The following NTRK3 variants were observed in gnomAD, a reference collection of about 807,000 sequenced individuals.
NTRK3 encodes NT-3 growth factor receptor.
Under a neutral mutation model 91.7 loss-of-function variants are expected in NTRK3, and 24 were observed. The observed-to-expected ratio is 0.26, with a 90% confidence interval of 0.19 to 0.37. The LOEUF is 0.37. NTRK3 is among the 10% of genes least tolerant of loss of function. The pLI is 1.00. For missense variants in NTRK3, 880 were observed against 1,068.9 expected, an observed-to-expected ratio of 0.82 and a Z score of 2.46; for synonymous variants, 483 against 404.0, an observed-to-expected ratio of 1.20 and a Z score of -2.34.
intron 14 of NTRK3, among the ~76,000 whole-genome samples, chr15:87,969,997 G>A (rs985266144): frequency 1.3e-5 from 2 of 152,166 alleles, no homozygotes; most frequent in Non-Finnish European, 2.9e-5. Flanking sequence ...CAGGAACCAA[G>A]AGATGTCCTC....
At chr15:88,032,737 G>C in intron 14 of NTRK3, 120 bp downstream of exon 14, 1 of 1,117,596 alleles carries the variant, frequency 8.9e-7, no homozygotes, top group Non-Finnish European at 1.3e-6. Context: ...GGGTCTCTTA[G>C]AAAGTGGGAG....
chr15:88,027,638 T>C (rs951597596), intron 14 of NTRK3, among the ~76,000 whole-genome samples: 2 of 152,190 alleles, frequency 1.3e-5, no homozygotes, highest in African/African-American at 4.8e-5. Flanking sequence ...CGCCTCGGCC[T>C]CCCAAAGTGC....
chr15:88,125,310 C>T (rs1004226222), intron 13 of NTRK3, among the ~76,000 whole-genome samples: 1 of 152,216 alleles, frequency 6.6e-6, no homozygotes, highest in Non-Finnish European at 1.5e-5. Context: ...TTCATGTACT[C>T]TTCTTCAGTC....
intron 14 of NTRK3, among the ~76,000 whole-genome samples, chr15:87,977,065 A>T (rs1596488216): frequency 6.6e-6 from 1 of 152,286 alleles, no homozygotes; most frequent in Non-Finnish European, 1.5e-5. Context: ...GTCAGATTTG[A>T]ATCTTGCTTT....
At chr15:87,951,229 T>C (rs62019203) in intron 14 of NTRK3, among the ~76,000 whole-genome samples, 6,646 of 152,260 alleles carry the variant, frequency 0.044, 172 homozygotes, top group Middle Eastern at 0.054. Flanking sequence ...CATTTCCTGA[T>C]CTTCTCTTTC....
intron 14 of NTRK3, among the ~76,000 whole-genome samples, chr15:87,992,739 CCAAGT>C (rs577530640): frequency 7.4e-4 from 113 of 152,282 alleles, no homozygotes; most frequent in Middle Eastern, 3.4e-3. Context: ...GTAATTCATG[CCAAGT>C]TGCCCTGTTA....
At position 88,233,939 on chromosome 15, in the gene NTRK3, G is replaced by T. The variant is rs1260426673; in HGVS notation, c.248+21967C>A. Among the ~76,000 whole-genome samples the T allele has an allele frequency of 2.0e-5, 3 of 152,206 alleles. No homozygotes were observed. The highest frequency in any genetic ancestry group is 6.5e-5 in the Admixed American group (1 of 15,276). On this transcript the variant is annotated intron_variant, in intron 3 of 18. Transcript: ENST00000394480. The surrounding 1 kb of genome is among the most constrained non-coding windows in gnomAD (Gnocchi z 4.2). Reference sequence around the variant, plus strand: ...TGTTGAGTCCCACTAGACATGCGTTGTTTCCTCTTTAATATTTAAACATGT... The same window carrying T: ...TGTTGAGTCCCACTAGACATGCGTTTTTTCCTCTTTAATATTTAAACATGT...
chr15:87,999,634 C>T (rs1389153186), intron 14 of NTRK3, among the ~76,000 whole-genome samples: 1 of 152,104 alleles, frequency 6.6e-6, no homozygotes, highest in African/African-American at 2.4e-5. Flanking sequence ...TCACAAAAAG[C>T]TGCTGTGGAT....
chr15:87,979,124 AAGG>A, intron 14 of NTRK3: 1 of 605,852 alleles, frequency 1.7e-6, no homozygotes, highest in East Asian at 2.7e-5. Context: ...GCCGGGAAAA[AAGG>A]AGCACAGTGA....
intron 13 of NTRK3, among the ~76,000 whole-genome samples, chr15:88,098,830 G>A (rs2049892688): frequency 6.6e-6 from 1 of 152,102 alleles, no homozygotes; most frequent in Non-Finnish European, 1.5e-5. Flanking sequence ...AAAATCAAGG[G>A]AGCTGCTCAG....
intron 14 of NTRK3, among the ~76,000 whole-genome samples, chr15:87,951,234 T>G (rs2071077796): frequency 6.6e-6 from 1 of 152,218 alleles, no homozygotes; most frequent in Admixed American, 6.5e-5. Flanking sequence ...CCTGATCTTC[T>G]CTTTCTCTCC....
exon 19 of NTRK3, chr15:87,868,248 C>T (rs140226041): frequency 0.012 from 2,764 of 229,130 alleles, 30 homozygotes; most frequent in Non-Finnish European, 0.019. Flanking sequence ...ACTATGAGCA[C>T]GAGCACCTAG....
At chr15:88,042,991 C>A (rs971084726) in intron 13 of NTRK3, among the ~76,000 whole-genome samples, 3 of 152,228 alleles carry the variant, frequency 2.0e-5, no homozygotes, top group African/African-American at 7.2e-5. Flanking sequence ...CACTCCCAAC[C>A]TTTACTCTCT....
In NTRK3 at chr15:88,256,287, T is replaced by C. The variant is rs558471048; in HGVS notation, c.-19A>G. On this transcript the variant is annotated 5_prime_UTR_variant, in exon 2 of 19. Transcript: ENST00000394480. Reference sequence around the variant, plus strand: ...AAGGGGGAGGGGGGGCCTCTGCCTTTGAAACGCCGAGCGATCAGATGCAAA... The same window carrying C: ...AAGGGGGAGGGGGGGCCTCTGCCTTCGAAACGCCGAGCGATCAGATGCAAA... 58 of 678,420 alleles carry C rather than the reference T, an allele frequency of 8.5e-5. No individual in the cohort carries two copies. In the East Asian group the frequency reaches 1.4e-3, roughly 17 times the overall value. 42.0% of individuals were successfully genotyped at this position (678,420 alleles called of 1,614,324 possible). A position where few individuals can be genotyped will look rare whatever the true frequency, so the allele number is the denominator to read the frequency against.
chr15:88,125,867 C>T (rs1045895316), intron 13 of NTRK3, among the ~76,000 whole-genome samples: 5 of 152,192 alleles, frequency 3.3e-5, no homozygotes, highest in Non-Finnish European at 4.4e-5. Flanking sequence ...GCTGTGCTGA[C>T]GCCTTCCCAA....
At chr15:88,080,240 CTCAG>C (rs1462899350) in intron 13 of NTRK3, among the ~76,000 whole-genome samples, 1 of 152,186 alleles carries the variant, frequency 6.6e-6, no homozygotes, top group African/African-American at 2.4e-5. Context: ...CATGGAATTG[CTCAG>C]TCAAAGAGAA....
intron 14 of NTRK3, among the ~76,000 whole-genome samples, chr15:87,990,719 TTTG>T: frequency 6.6e-6 from 1 of 152,218 alleles, no homozygotes; most frequent in Non-Finnish European, 1.5e-5. Context: ...ATCTTCTGCC[TTTG>T]CTGTTATATT....
At chr15:88,056,823 T>G (rs916436312) in intron 13 of NTRK3, among the ~76,000 whole-genome samples, 1 of 152,214 alleles carries the variant, frequency 6.6e-6, no homozygotes, top group African/African-American at 2.4e-5. Context: ...AAGTCCCTTC[T>G]GATGATCAGC....
intron 14 of NTRK3, among the ~76,000 whole-genome samples, chr15:88,006,504 G>A (rs1452782877): frequency 2.6e-5 from 4 of 152,192 alleles, no homozygotes; most frequent in Admixed American, 2.6e-4. Context: ...CTGGTGGCTG[G>A]TGGCAGCCTC....
Sources: gnomAD v4.1 joint callset for allele counts (sites outside exome capture counted in the v4.1 genomes callset) on GRCh38, gnomAD v4.1.1 for gene constraint, Gnocchi (gnomAD v3.1) non-coding constraint, MANE v1.5 for transcripts, NCBI Gene and HGNC (gene_info 2026-07-23, HGNC 2026-07-21) for gene names.